The following RPS6KC1 variants were observed in gnomAD, a reference collection of about 807,000 sequenced individuals.
The protein encoded by RPS6KC1 is ribosomal protein S6 kinase C1.
RPS6KC1 carries 54 observed loss-of-function variants against 103.8 expected under a neutral mutation model. That is an observed-to-expected ratio of 0.52 (90% CI 0.42 to 0.65). The LOEUF is 0.65. RPS6KC1 is among the 30% of genes least tolerant of loss of function. The probability of loss-of-function intolerance (pLI) is 0.00; values close to 1 mark genes in which losing one functional copy is unlikely to be tolerated. For missense variants in RPS6KC1, 1,151 were observed against 1,253.8 expected (o/e 0.92, Z 1.24); for synonymous variants, 439 against 438.7 (o/e 1.00, Z -0.01).
the RPS6KC1 span, among the ~76,000 whole-genome samples, chr1:213,315,127 A>T: frequency 1.1e-3 from 163 of 152,310 alleles, no homozygotes; most frequent in African/African-American, 3.8e-3. Flanking sequence ...GGAAAACTTG[A>T]TTTTCTGCTT....
intron 8 of RPS6KC1, among the ~76,000 whole-genome samples, chr1:213,193,705 G>A (rs971025409): frequency 3.3e-5 from 5 of 151,948 alleles, no homozygotes; most frequent in African/African-American, 4.8e-5. Flanking sequence ...GCAAGATCTC[G>A]GCTTACTGCA....
At chr1:213,674,301 G>A in the RPS6KC1 span, among the ~76,000 whole-genome samples, 10 of 152,190 alleles carry the variant, frequency 6.6e-5, no homozygotes, top group Non-Finnish European at 1.5e-4. Flanking sequence ...TTACAGGCAT[G>A]AGCCACTGCA....
At chr1:213,088,872 C>G (rs2080692781) in intron 3 of RPS6KC1, among the ~76,000 whole-genome samples, 1 of 152,166 alleles carries the variant, frequency 6.6e-6, no homozygotes, top group Admixed American at 6.5e-5. Flanking sequence ...ATTCACTGAA[C>G]TTGACACTTG....
In RPS6KC1 at chr1:213,167,864, C is replaced by A; in HGVS notation, c.842C>A (p.Ser281Ter). ...DLLLEGVQGE[S>*]SPTRREAVKR... ...TCCAGACTTTTTTTTTTAGGAGAGTCAAGCCCTACCCGTCGAGAAGCTGTG... is the reference window on the plus strand; with the variant it reads ...TCCAGACTTTTTTTTTTAGGAGAGTAAAGCCCTACCCGTCGAGAAGCTGTG... The change falls in exon 7 of 15, where the codon TCA becomes TAA. Residue 281 changes from serine to a stop codon, truncating the protein, a stop_gained. Transcript: ENST00000366960. LOFTEE classifies it high-confidence loss of function. 1 of 1,606,408 alleles carries A rather than the reference C, an allele frequency of 6.2e-7. No individual in the cohort carries two copies. The highest frequency in any genetic ancestry group is 1.1e-5 in the South Asian group (1 of 89,328).
chr1:213,380,440 C>T, the RPS6KC1 span, among the ~76,000 whole-genome samples: 1 of 152,054 alleles, frequency 6.6e-6, no homozygotes, highest in Non-Finnish European at 1.5e-5. Context: ...TACATGTTTA[C>T]CTGTGTAACA....
chr1:213,222,681 A>G (rs2093865342), intron 8 of RPS6KC1, among the ~76,000 whole-genome samples: 1 of 152,196 alleles, frequency 6.6e-6, no homozygotes, highest in African/African-American at 2.4e-5. Flanking sequence ...TTGAATTTTT[A>G]TAAAGATGCC....
intron 12 of RPS6KC1, among the ~76,000 whole-genome samples, chr1:213,258,215 T>C (rs2149077611): frequency 6.6e-6 from 1 of 152,238 alleles, no homozygotes; most frequent in South Asian, 2.1e-4. Flanking sequence ...TCTCCTGACC[T>C]CATGATCTGG....
In RPS6KC1 at chr1:213,241,126, C is replaced by G. The variant is rs2094341609; in HGVS notation, c.1650C>G (p.Phe550Leu). The G allele has an allele frequency of 1.2e-6, 2 of 1,613,702 alleles. No individual in the cohort carries two copies. The highest frequency in any genetic ancestry group is 1.7e-5 in the Admixed American group (1 of 59,920). ...NGVDTKAIKS[F>L]PAHLAADSDS... Reference sequence around the variant, plus strand: ...TTGATACAAAAGCTATTAAAAGCTTCCCAGCACACCTTGCTGCTGACAGTG... The same window carrying G: ...TTGATACAAAAGCTATTAAAAGCTTGCCAGCACACCTTGCTGCTGACAGTG... Residue 550 changes from phenylalanine to leucine, a missense_variant, in exon 11 of 15, where the codon TTC (phenylalanine) becomes TTG (leucine). By Grantham distance (22) the Phe-to-Leu change is conservative (BLOSUM62 0). Transcript: ENST00000366960.
chr1:213,161,079 T>C (rs892190133), intron 6 of RPS6KC1, among the ~76,000 whole-genome samples: 1 of 152,200 alleles, frequency 6.6e-6, no homozygotes, highest in African/African-American at 2.4e-5. Flanking sequence ...CTTCTACATG[T>C]AATGTTCTAT....
the RPS6KC1 span, among the ~76,000 whole-genome samples, chr1:213,591,774 A>G: frequency 1.3e-5 from 2 of 152,138 alleles, no homozygotes; most frequent in African/African-American, 2.4e-5. Flanking sequence ...GAGAGGGAGA[A>G]GTTGGACTGT....
chr1:213,789,209 T>A, the RPS6KC1 span, among the ~76,000 whole-genome samples: 1 of 152,166 alleles, frequency 6.6e-6, no homozygotes, highest in Admixed American at 6.5e-5. Flanking sequence ...GCACACCAAC[T>A]ATTAATTATG....
chr1:213,631,462 C>T, the RPS6KC1 span, among the ~76,000 whole-genome samples: 9 of 150,988 alleles, frequency 6.0e-5, no homozygotes, highest in Admixed American at 5.3e-4. Flanking sequence ...CTTGGCTGTT[C>T]CTTTACTGAT....
At chr1:213,145,697 T>A (rs987985793) in intron 6 of RPS6KC1, among the ~76,000 whole-genome samples, 1 of 152,060 alleles carries the variant, frequency 6.6e-6, no homozygotes, top group Non-Finnish European at 1.5e-5. Context: ...CACAAGTCTT[T>A]TAAAAAATAC....
chr1:213,747,314 A>G, the RPS6KC1 span, among the ~76,000 whole-genome samples: 1 of 152,174 alleles, frequency 6.6e-6, no homozygotes, highest in African/African-American at 2.4e-5. Context: ...GTTTTTAGCA[A>G]TATGGAGGTC....
At chr1:213,383,767 G>T in the RPS6KC1 span, among the ~76,000 whole-genome samples, 1 of 133,582 alleles carries the variant, frequency 7.5e-6, no homozygotes, top group Non-Finnish European at 1.6e-5. Context: ...GCATGCACAC[G>T]CACACAGGGA....
the RPS6KC1 span, among the ~76,000 whole-genome samples, chr1:213,436,230 T>A: frequency 6.6e-6 from 1 of 152,344 alleles, no homozygotes; most frequent in African/African-American, 2.4e-5. Context: ...TAAAATTAAA[T>A]TAAATAAAAA....
At chr1:213,606,109 A>C in the RPS6KC1 span, among the ~76,000 whole-genome samples, 46 of 152,358 alleles carry the variant, frequency 3.0e-4, no homozygotes, top group Middle Eastern at 0.014. Flanking sequence ...TCTGAAAATT[A>C]AATGGATCTT....
At chr1:213,246,675 T>C (rs912006633) in intron 12 of RPS6KC1, among the ~76,000 whole-genome samples, 1 of 152,110 alleles carries the variant, frequency 6.6e-6, no homozygotes. Flanking sequence ...AATGTCAAAG[T>C]ACTTTTTTTT....
the RPS6KC1 span, among the ~76,000 whole-genome samples, chr1:213,702,327 G>A: frequency 1.3e-5 from 2 of 151,850 alleles, no homozygotes; most frequent in Non-Finnish European, 2.9e-5. Context: ...CTTGTTTTGT[G>A]AACTAACATA....
Sources: allele counts gnomAD v4.1 joint callset (sites outside exome capture counted in the v4.1 genomes callset), GRCh38; gene constraint gnomAD v4.1.1; transcripts MANE v1.5; gene names NCBI Gene and HGNC (gene_info 2026-07-23, HGNC 2026-07-21).